The following COL4A2 variants were observed in gnomAD, a reference collection of about 807,000 sequenced individuals.
The protein encoded by COL4A2 is collagen alpha-2(IV) chain.
Under a neutral mutation model 200.2 loss-of-function variants are expected in COL4A2, and 99 were observed. That is an observed-to-expected ratio of 0.49 (90% CI 0.42 to 0.58). The LOEUF (loss-of-function observed/expected upper bound fraction) is 0.58. Ranked by LOEUF, COL4A2 falls within the 20% of genes least tolerant of loss-of-function variation. The pLI is 0.00. For missense variants in COL4A2, 1,950 were observed against 2,314.1 expected (o/e 0.84, Z 3.23); for synonymous variants, 897 against 900.6 (o/e 1.00, Z 0.07).
intron 4 of COL4A2, among the ~76,000 whole-genome samples, chr13:110,378,376 G>T (rs1389229781): frequency 2.0e-5 from 3 of 152,194 alleles, no homozygotes; most frequent in African/African-American, 7.2e-5. Flanking sequence ...GATATAGGAA[G>T]GACCTGATAC....
Position 110,512,563 on chromosome 13 carries a change from G to A in COL4A2, c.*372G>A. On this transcript the variant is annotated 3_prime_UTR_variant, in exon 48 of 48. Transcript: ENST00000360467. ...TCGGGGTGGGACAGACGAGACAACA[G>A]CACACAGGCAGCCAGCCGTGGCCAG... The A allele has an allele frequency of 4.5e-6, 1 of 220,882 alleles. No homozygotes were observed. The allele number at this position is 220,882 out of a possible 1,614,324, so 13.7% of individuals were successfully genotyped here. A position where few individuals can be genotyped will look rare whatever the true frequency, so the allele number is the denominator to read the frequency against.
chr13:110,407,574 G>A (rs1879620257), intron 4 of COL4A2, among the ~76,000 whole-genome samples: 1 of 152,244 alleles, frequency 6.6e-6, no homozygotes, highest in African/African-American at 2.4e-5. Flanking sequence ...CGGAGAACAC[G>A]TTGGATTTCA....
At chr13:110,465,658 T>C in intron 25 of COL4A2, 52 bp downstream of exon 25, 2 of 1,472,884 alleles carry the variant, frequency 1.4e-6, no homozygotes, top group South Asian at 1.3e-5. Flanking sequence ...CATTCCACGC[T>C]TTCCTTTGTC....
chr13:110,505,161 T>C (rs377143636), intron 45 of COL4A2, among the ~76,000 whole-genome samples: 79 of 151,066 alleles, frequency 5.2e-4, no homozygotes, highest in East Asian at 5.2e-3. Context: ...CCATCCTGGC[T>C]AACACGGTGA....
intron 32 of COL4A2, among the ~76,000 whole-genome samples, chr13:110,484,458 A>ACCTCCCTTCCATGCTTCT (rs1883042336): frequency 1.3e-5 from 2 of 151,382 alleles, no homozygotes; most frequent in Admixed American, 1.3e-4. Flanking sequence ...CCCCCCGGAG[A>ACCTCCCTTCCATGCTTCT]CCTCCCTTCC....
At chr13:110,333,641 G>A (rs945835867) in intron 3 of COL4A2, among the ~76,000 whole-genome samples, 2 of 152,172 alleles carry the variant, frequency 1.3e-5, no homozygotes, top group African/African-American at 4.8e-5. Context: ...GAAGAGGACC[G>A]CTCACGAACC....
chr13:110,484,314 T>G (rs1883036385), intron 32 of COL4A2, among the ~76,000 whole-genome samples: 1 of 152,142 alleles, frequency 6.6e-6, no homozygotes, highest in Non-Finnish European at 1.5e-5. Context: ...TCAATTATTT[T>G]CACTGAGCCA....
At chr13:110,511,892 G>GGCTGTGAT in intron 47 of COL4A2, 42 bp from the exon 48 acceptor site, 2 of 1,612,348 alleles carry the variant, frequency 1.2e-6, no homozygotes, top group African/African-American at 2.7e-5. Flanking sequence ...GCCACCTGCA[G>GGCTGTGAT]GCTGTGATTC....
At chr13:110,314,675 A>G (rs912685646) in intron 3 of COL4A2, among the ~76,000 whole-genome samples, 18 of 152,172 alleles carry the variant, frequency 1.2e-4, no homozygotes, top group Non-Finnish European at 5.9e-5. Flanking sequence ...GCAGGCTTGT[A>G]TCACAGTGTC....
chr13:110,422,109 A>G (rs1227621618), intron 4 of COL4A2, among the ~76,000 whole-genome samples: 1 of 152,222 alleles, frequency 6.6e-6, no homozygotes, highest in African/African-American at 2.4e-5. Flanking sequence ...AGTCCTGATA[A>G]GAAACATTTT....
chr13:110,511,892 G>C, intron 47 of COL4A2, 42 bp from the exon 48 acceptor site: 1 of 1,612,348 alleles, frequency 6.2e-7, no homozygotes, highest in Non-Finnish European at 8.5e-7. Flanking sequence ...GCCACCTGCA[G>C]GCTGTGATTC....
At chr13:110,404,785 G>A (rs1212939832) in intron 4 of COL4A2, among the ~76,000 whole-genome samples, 1 of 152,208 alleles carries the variant, frequency 6.6e-6, no homozygotes. Flanking sequence ...GGAGGGAGTG[G>A]TCCACAGGAC....
In COL4A2 at chr13:110,479,661, T is replaced by C. The variant is rs533135842; in HGVS notation, c.2588-559T>C. Among the ~76,000 whole-genome samples, 11 of 151,872 alleles carry C rather than the reference T, an allele frequency of 7.2e-5. No individual in the cohort carries two copies. In the East Asian group the frequency reaches 1.6e-3, roughly 21 times the overall value. On this transcript the variant is annotated intron_variant, in intron 30 of 47. Coordinates refer to ENST00000360467, the MANE Select transcript of COL4A2 (RefSeq NM_001846.4). ...AACAGAGAAATGCATTAAGAAGGGA[T>C]TTTAGGGACCCAGCAGGCAGCCCTT... is the stretch of plus-strand genomic sequence containing the variant.
At chr13:110,431,439 A>T (rs541553106) in intron 10 of COL4A2, among the ~76,000 whole-genome samples, 1 of 152,308 alleles carries the variant, frequency 6.6e-6, no homozygotes, top group South Asian at 2.1e-4. Flanking sequence ...AATAAATGAC[A>T]ATAATAATAA....
chr13:110,476,994 G>A (rs374719740), intron 29 of COL4A2, among the ~76,000 whole-genome samples: 21 of 152,164 alleles, frequency 1.4e-4, no homozygotes, highest in African/African-American at 4.1e-4. Flanking sequence ...AGGAAAATTC[G>A]TCAGTGTATA....
chr13:110,458,171 G>A (rs1881851785), intron 21 of COL4A2: 1 of 467,434 alleles, frequency 2.1e-6, no homozygotes, highest in South Asian at 1.6e-5. Context: ...CTGAGAGCAG[G>A]CACCGCAGGA....
intron 10 of COL4A2, 110 bp from the exon 11 acceptor site, chr13:110,432,215 A>G: frequency 2.2e-6 from 3 of 1,349,540 alleles, no homozygotes; most frequent in Non-Finnish European, 2.9e-6. Flanking sequence ...CATGCATCCT[A>G]CACTGTGTCC....
At position 110,454,873 on chromosome 13, in the gene COL4A2, C is replaced by T. The variant is rs141479752; in HGVS notation, c.1340-2470C>T. On this transcript the variant is annotated intron_variant, in intron 20 of 47. Transcript: ENST00000360467. ...GCACGTGTCTCACAAATGCCTCAAG[C>T]TCTCCATGTCCAAAATGGAGCTCTG... 9.2e-3 allele frequency among the ~76,000 whole-genome samples: 1,394 copies of T among 152,256 alleles called. 26 individuals carry two copies. Among genetic ancestry groups the T allele is most frequent in the African/African-American group, 0.032 (1,349 of 41,530 alleles).
chr13:110,478,335 C>A (rs1203926803), intron 30 of COL4A2, among the ~76,000 whole-genome samples, 171 bp downstream of exon 30: 1 of 152,220 alleles, frequency 6.6e-6, no homozygotes, highest in East Asian at 1.9e-4. Context: ...CACAAACAGC[C>A]TGAGACATCG....
Sources: gnomAD v4.1 joint callset for allele counts (sites outside exome capture counted in the v4.1 genomes callset) on GRCh38, gnomAD v4.1.1 for gene constraint, MANE v1.5 for transcripts, NCBI Gene and HGNC (gene_info 2026-07-23, HGNC 2026-07-21) for gene names.